Variants in SCD observed in about 807,000 individuals in gnomAD.
The protein encoded by SCD is stearoyl-CoA desaturase.
In SCD, 4 loss-of-function variants were observed where a neutral mutation model predicts 35.7. The ratio of observed to expected loss-of-function variants is 0.11; its 90% CI spans 0.06 to 0.26. SCD has a LOEUF of 0.26. SCD is among the 10% of genes least tolerant of loss of function. SCD has a pLI of 1.00. For synonymous variants in SCD, 150 were observed against 170.2 expected (o/e 0.88, Z 0.92); for missense variants, 282 against 460.7 (o/e 0.61, Z 3.55).
At chr10:100,358,558 G>A (rs1378008393) in intron 5 of SCD, among the ~76,000 whole-genome samples, 2 of 137,200 alleles carry the variant, frequency 1.5e-5, no homozygotes, top group South Asian at 2.4e-4. Flanking sequence ...CGCCACTGCA[G>A]TCCGCAGTCC....
At chr10:100,353,094 T>C (rs1462932151) in intron 3 of SCD, among the ~76,000 whole-genome samples, 1 of 152,238 alleles carries the variant, frequency 6.6e-6, no homozygotes, top group African/African-American at 2.4e-5. Flanking sequence ...CAAACACTTT[T>C]ATTGCACTGA....
Position 100,360,847 on chromosome 10 carries a change from C to T in SCD, c.994C>T (p.Leu332=). ...CATTGATTGCATGGCCGCCCTCGGTCTGGCCTATGACCGGAAGAAAGTCTC... is the reference window on the plus strand; with the variant it reads ...CATTGATTGCATGGCCGCCCTCGGTTTGGCCTATGACCGGAAGAAAGTCTC... ...FFIDCMAALG[L]AYDRKKVSKA... is the part of the protein sequence containing the mutation. Residue 332 remains leucine, a synonymous_variant, in exon 6 of 6, where the codon CTG becomes TTG. Coordinates refer to ENST00000370355, the MANE Select transcript of SCD (RefSeq NM_005063.5). 1 of 1,614,008 alleles carries T rather than the reference C, an allele frequency of 6.2e-7. No homozygotes were observed.
rs1217916141 is a variant in SCD at position 100,361,989 on chromosome 10, G to C, written c.*1056G>C. On this transcript the variant is annotated 3_prime_UTR_variant, in exon 6 of 6. Coordinates refer to ENST00000370355, the MANE Select transcript of SCD (RefSeq NM_005063.5). ...CAAAAAAAGGGAAGGATTTAAGGAG[G>C]TGAAGTCGGGTCAAAAATAAAATAT... 2 of 152,170 alleles carry C rather than the reference G, an allele frequency of 1.3e-5. No individual in the cohort carries two copies. The highest frequency in any genetic ancestry group is 3.8e-4 in the East Asian group (2 of 5,198). The allele number at this position is 152,170 out of a possible 1,614,324, so 9.4% of individuals were successfully genotyped here. A position where few individuals can be genotyped will look rare whatever the true frequency, so the allele number is the denominator to read the frequency against.
chr10:100,348,546 G>A (rs539587743), intron 2 of SCD, among the ~76,000 whole-genome samples, 200 bp downstream of exon 2: 51 of 151,920 alleles, frequency 3.4e-4, no homozygotes, highest in African/African-American at 1.2e-3. Flanking sequence ...CAATGCTGGG[G>A]GTTGAGAGCT....
In SCD at chr10:100,356,791, C is replaced by A; in HGVS notation, c.880+27C>A. 1 of 1,571,450 alleles carries A rather than the reference C, an allele frequency of 6.4e-7. No individual in the cohort carries two copies. The highest frequency in any genetic ancestry group is 8.8e-7 in the Non-Finnish European group (1 of 1,141,746). On this transcript the variant is annotated intron_variant, in intron 5 of 5. Transcript: ENST00000370355. This position sits in a 1 kb window ranked among gnomAD's most constrained non-coding sequence, Gnocchi z 4.1. ...TAAGTCAGCTGTCCAAGTAAGACTA[C>A]ATCCAGTGGTCTGCTGATTAGGGGA...
At chr10:100,349,246 G>A (rs865806224) in intron 2 of SCD, among the ~76,000 whole-genome samples, 8 of 152,370 alleles carry the variant, frequency 5.3e-5, no homozygotes, top group Middle Eastern at 3.4e-3. Context: ...CTCTTTCAGG[G>A]ACCTGTTGGT....
In SCD at chr10:100,364,293, C is replaced by T. The variant is rs1850019368; in HGVS notation, c.*3360C>T. 6.6e-6 allele frequency: 1 copy of T among 152,444 alleles called. No individual in the cohort carries two copies. The highest frequency in any genetic ancestry group is 6.6e-5 in the Admixed American group (1 of 15,254). 9.4% of individuals were successfully genotyped at this position (152,444 alleles called of 1,614,324 possible). A position where few individuals can be genotyped will look rare whatever the true frequency, so the allele number is the denominator to read the frequency against. On this transcript the variant is annotated 3_prime_UTR_variant, in exon 6 of 6. Coordinates refer to ENST00000370355, the MANE Select transcript of SCD (RefSeq NM_005063.5). Reference sequence around the variant, plus strand: ...GCTGGTGGTTAAGGCCAGGGCCTCTCCAACCACTGTGCCACTGACTTGCTG... The same window carrying T: ...GCTGGTGGTTAAGGCCAGGGCCTCTTCAACCACTGTGCCACTGACTTGCTG...
intron 5 of SCD, among the ~76,000 whole-genome samples, chr10:100,357,509 T>C (rs1189312255): frequency 6.6e-6 from 1 of 152,200 alleles, no homozygotes; most frequent in Admixed American, 6.5e-5. Context: ...TTCTCTCTTC[T>C]ACTTCTATTC....
chr10:100,357,061 C>A (rs1849935903), intron 5 of SCD, among the ~76,000 whole-genome samples: 1 of 152,222 alleles, frequency 6.6e-6, no homozygotes, highest in Non-Finnish European at 1.5e-5. Flanking sequence ...TGCCTGTAAT[C>A]CCAGCACTTT....
intron 5 of SCD, among the ~76,000 whole-genome samples, chr10:100,358,747 T>TA (rs11381871): frequency 0.56 from 63,464 of 112,724 alleles, 18,283 homozygotes; most frequent in African/African-American, 0.72. Flanking sequence ...TGTCTCTACT[T>TA]AAAAAAAAAA....
chr10:100,364,114 T>A lies in SCD; in HGVS notation c.*3181T>A, dbSNP rs2133600158. On this transcript the variant is annotated 3_prime_UTR_variant, in exon 6 of 6. Transcript: ENST00000370355. ...AAATAATTTGAATGTATTTGATTTA[T>A]AAGTTTTTTTTTTTTTTTTGGGTTA... 1 of 147,258 alleles carries A rather than the reference T, an allele frequency of 6.8e-6. No individual in the cohort carries two copies. The highest frequency in any genetic ancestry group is 1.5e-5 in the Non-Finnish European group (1 of 67,578). 9.1% of individuals were successfully genotyped at this position (147,258 alleles called of 1,614,324 possible). A position where few individuals can be genotyped will look rare whatever the true frequency, so the allele number is the denominator to read the frequency against.
Position 100,363,694 on chromosome 10 carries a change from A to G in SCD, c.*2761A>G, listed in dbSNP as rs1256883325. ...ATGGCACCTCAGGCTGAGGGCCCCAATGTATGTGTGGCTGTGGGTGTGGGT... is the reference window on the plus strand; with the variant it reads ...ATGGCACCTCAGGCTGAGGGCCCCAGTGTATGTGTGGCTGTGGGTGTGGGT... On this transcript the variant is annotated 3_prime_UTR_variant, in exon 6 of 6. Coordinates refer to ENST00000370355, the MANE Select transcript of SCD (RefSeq NM_005063.5). 1 of 152,600 alleles carries G rather than the reference A, an allele frequency of 6.6e-6. No homozygotes were observed. Among genetic ancestry groups the G allele is most frequent in the Non-Finnish European group, 1.5e-5 (1 of 68,080 alleles). The allele number at this position is 152,600 out of a possible 1,614,324, so 9.5% of individuals were successfully genotyped here. A position where few individuals can be genotyped will look rare whatever the true frequency, so the allele number is the denominator to read the frequency against.
chr10:100,357,898 C>T (rs1045708555), intron 5 of SCD, among the ~76,000 whole-genome samples: 4 of 152,216 alleles, frequency 2.6e-5, no homozygotes, highest in African/African-American at 9.7e-5. Context: ...AATATCTAGA[C>T]AACCACACTA....
At position 100,364,116 on chromosome 10, in the gene SCD, A is replaced by AG. The variant is rs1554834956; in HGVS notation, c.*3184dup. The AG allele has an allele frequency of 3.5e-5, 5 of 143,632 alleles. No homozygotes were observed. The highest frequency in any genetic ancestry group is 5.5e-5 in the African/African-American group (2 of 36,626). The allele number at this position is 143,632 out of a possible 1,614,324, so 8.9% of individuals were successfully genotyped here. A position where few individuals can be genotyped will look rare whatever the true frequency, so the allele number is the denominator to read the frequency against. On this transcript the variant is annotated 3_prime_UTR_variant, in exon 6 of 6. Transcript: ENST00000370355. ...ATAATTTGAATGTATTTGATTTATA[A>AG]GTTTTTTTTTTTTTTTTGGGTTAAA...
At chr10:100,358,648 C>T (rs1849956086) in intron 5 of SCD, among the ~76,000 whole-genome samples, 1 of 149,334 alleles carries the variant, frequency 6.7e-6, no homozygotes, top group Non-Finnish European at 1.5e-5. Flanking sequence ...GTGGCTCACA[C>T]CTGTAATCCC....
At position 100,347,293 on chromosome 10, in the gene SCD, C is replaced by G. The variant is rs371037923; in HGVS notation, c.-212C>G. On this transcript the variant is annotated 5_prime_UTR_variant, in exon 1 of 6. Transcript: ENST00000370355. ...GGATAAAAGGGGGCTGAGGAAATAC[C>G]GGACACGGTCACCCGTTGCCAGCTC... is the stretch of plus-strand genomic sequence containing the variant. The G allele has an allele frequency of 1.6e-6, 1 of 620,806 alleles. No individual in the cohort carries two copies. Among genetic ancestry groups the G allele is most frequent in the East Asian group, 2.9e-5 (1 of 34,838 alleles). The allele number at this position is 620,806 out of a possible 1,614,324, so 38.5% of individuals were successfully genotyped here.
intron 4 of SCD, 61 bp downstream of exon 4, chr10:100,354,693 A>G (rs574576039): frequency 3.1e-5 from 41 of 1,305,244 alleles, no homozygotes; most frequent in Middle Eastern, 3.7e-4. Context: ...TAGGGACCCC[A>G]TTTTTTCTCC....
rs750700387 is a variant in SCD, at chr10:100,356,494, C to T, written c.648-38C>T. 1 of 1,459,834 alleles carries T rather than the reference C, an allele frequency of 6.9e-7. No individual in the cohort carries two copies. The highest frequency in any genetic ancestry group is 9.6e-7 in the Non-Finnish European group (1 of 1,039,738). The allele number at this position is 1,459,834 out of a possible 1,614,324, so 90.4% of individuals were successfully genotyped here. ...TGGAAGATCCATGTAGGTGTGGAGT[C>T]CCCCTCCATTGACCTGGTGTCTGGT... On this transcript the variant is annotated intron_variant, in intron 4 of 5. Coordinates refer to ENST00000370355, the MANE Select transcript of SCD (RefSeq NM_005063.5). The surrounding 1 kb of genome is among the most constrained non-coding windows in gnomAD (Gnocchi z 4.1).
At chr10:100,353,951 G>A (rs564653928) in intron 3 of SCD, among the ~76,000 whole-genome samples, 1 of 152,314 alleles carries the variant, frequency 6.6e-6, no homozygotes, top group Non-Finnish European at 1.5e-5. Flanking sequence ...CTTGTTATTG[G>A]GTTGTATGAG....
Sources: allele counts gnomAD v4.1 joint callset (sites outside exome capture counted in the v4.1 genomes callset), GRCh38; gene constraint gnomAD v4.1.1; non-coding constraint Gnocchi (gnomAD v3.1); transcripts MANE v1.5; gene names NCBI Gene and HGNC (gene_info 2026-07-23, HGNC 2026-07-21).